RFX2: variants seen among roughly 807,000 people sequenced by gnomAD.
RFX2 encodes the protein regulatory factor X2, also known as DNA-binding protein RFX2.
In RFX2, 20 loss-of-function variants were observed where a neutral mutation model predicts 87.8. That is an observed-to-expected ratio of 0.23 (90% CI 0.16 to 0.33). The LOEUF is 0.33. Among genes scored for constraint, RFX2 ranks in the 10% least tolerant of loss-of-function variants. RFX2 has a pLI of 1.00. For missense variants in RFX2, 767 were observed against 1,012.3 expected, an observed-to-expected ratio of 0.76 and a Z score of 3.29; for synonymous variants, 397 against 431.3, an observed-to-expected ratio of 0.92 and a Z score of 0.98.
intron 1 of RFX2, among the ~76,000 whole-genome samples, chr19:6,077,525 A>G (rs1314564350): frequency 6.6e-6 from 1 of 152,218 alleles, no homozygotes; most frequent in Non-Finnish European, 1.5e-5. Flanking sequence ...AGAGCTAGCT[A>G]TAAGTGGGGT....
intron 1 of RFX2, among the ~76,000 whole-genome samples, chr19:6,070,617 C>T (rs958669205): frequency 1.3e-5 from 2 of 152,134 alleles, no homozygotes; most frequent in African/African-American, 4.8e-5. Flanking sequence ...GTGACCAATA[C>T]TTGCCCCCAC....
chr19:6,091,327 CA>C, intron 1 of RFX2, among the ~76,000 whole-genome samples: 1 of 151,468 alleles, frequency 6.6e-6, no homozygotes, highest in Non-Finnish European at 1.5e-5. Context: ...CTTGTCTCTA[CA>C]AAAAATTAGC....
At position 6,012,033 on chromosome 19, in the gene RFX2, G is replaced by T. The variant is rs780391552; in HGVS notation, c.899+953C>A. ...CATCATCCTCATGCTGTCTGTGGCT[G>T]CTTTCAGGATGTAGCCAAATTGAAC... On this transcript the variant is annotated intron_variant, in intron 8 of 17. Transcript: ENST00000303657. The surrounding 1 kb of genome is among the most constrained non-coding windows in gnomAD (Gnocchi z 4.6). The T allele has an allele frequency of 5.9e-5, 9 of 152,274 alleles. No individual in the cohort carries two copies. Among genetic ancestry groups the T allele is most frequent in the Non-Finnish European group, 1.2e-4 (8 of 68,060 alleles). 9.4% of individuals were successfully genotyped at this position (152,274 alleles called of 1,614,324 possible). A position where few individuals can be genotyped will look rare whatever the true frequency, so the allele number is the denominator to read the frequency against.
chr19:6,036,722 G>A (rs1295470411), intron 5 of RFX2, among the ~76,000 whole-genome samples: 2 of 152,074 alleles, frequency 1.3e-5, no homozygotes, highest in African/African-American at 4.8e-5. Context: ...ACTAGAAAAA[G>A]AAGGGAACTT....
At chr19:6,005,984 G>T (rs555018002) in intron 12 of RFX2, among the ~76,000 whole-genome samples, 1 of 152,198 alleles carries the variant, frequency 6.6e-6, no homozygotes, top group African/African-American at 2.4e-5. Context: ...CCCAGAGGCC[G>T]GCCTGCATGC....
intron 1 of RFX2, among the ~76,000 whole-genome samples, chr19:6,088,097 A>G (rs1227464535): frequency 6.6e-6 from 1 of 151,756 alleles, no homozygotes; most frequent in African/African-American, 2.4e-5. Context: ...GGAAGCAATG[A>G]CCCCTGAACA....
At position 6,040,271 on chromosome 19, in the gene RFX2, ACG is replaced by A; in HGVS notation, c.261-32_261-31del. 6.7e-7 allele frequency: 1 copy of A among 1,497,630 alleles called. No homozygotes were observed. Among genetic ancestry groups the A allele is most frequent in the Non-Finnish European group, 8.9e-7 (1 of 1,118,998 alleles). The allele number at this position is 1,497,630 out of a possible 1,614,324, so 92.8% of individuals were successfully genotyped here. A position where few individuals can be genotyped will look rare whatever the true frequency, so the allele number is the denominator to read the frequency against. On this transcript the variant is annotated intron_variant, in intron 4 of 17. Transcript: ENST00000303657. The surrounding 1 kb of genome is among the most constrained non-coding windows in gnomAD (Gnocchi z 6.1). Reference sequence around the variant, plus strand: ...TAGAAAGAGAGAAGTCACGCATGGGACGCTGTCCCATTTAAATGCCTTGTCTG... The same window carrying A: ...TAGAAAGAGAGAAGTCACGCATGGGACTGTCCCATTTAAATGCCTTGTCTG...
chr19:6,066,092 G>T (rs2087506253), intron 1 of RFX2, among the ~76,000 whole-genome samples: 1 of 152,104 alleles, frequency 6.6e-6, no homozygotes, highest in Non-Finnish European at 1.5e-5. Flanking sequence ...GTCAACAATC[G>T]CTATCTCTGG....
In RFX2 at chr19:5,997,098, C is replaced by G; in HGVS notation, c.1975G>C (p.Glu659Gln). 2.5e-6 allele frequency: 4 copies of G among 1,613,258 alleles called. No individual in the cohort carries two copies. Among genetic ancestry groups the G allele is most frequent in the Non-Finnish European group, 3.4e-6 (4 of 1,179,976 alleles). The change falls in exon 16 of 18, where the codon GAG becomes CAG. Residue 659 changes from glutamate (E) to glutamine (Q), a missense_variant. Coordinates refer to ENST00000303657, the MANE Select transcript of RFX2 (RefSeq NM_000635.4). The surrounding 1 kb of genome is among the most constrained non-coding windows in gnomAD (Gnocchi z 4.2). Reference protein sequence around the residue: ...MFYLVEHRVAEATGETPIAVM... With the variant: ...MFYLVEHRVAQATGETPIAVM... ...GCGATCGGCGTCTCTCCGGTGGCCTCCGCGACGCGGTGCTCCACCAGGTAG... is the reference window on the plus strand; with the variant it reads ...GCGATCGGCGTCTCTCCGGTGGCCTGCGCGACGCGGTGCTCCACCAGGTAG...
chr19:6,100,862 G>T (rs2088113692), intron 1 of RFX2, among the ~76,000 whole-genome samples: 1 of 140,240 alleles, frequency 7.1e-6, no homozygotes, highest in Admixed American at 6.8e-5. Flanking sequence ...GAATTATATT[G>T]ATTTAATTGA....
Position 6,007,940 on chromosome 19 carries a change from A to C in RFX2, c.1135-138T>G, listed in dbSNP as rs1471043474. On this transcript the variant is annotated intron_variant, in intron 10 of 17. Transcript: ENST00000303657. This position sits in a 1 kb window ranked among gnomAD's most constrained non-coding sequence, Gnocchi z 8.2. ...CAAGGGAGGCCACAGAGAGGAGAGG[A>C]GCAGGCGATGGACATGGATGCGGAG... 8.9e-6 allele frequency: 7 copies of C among 786,768 alleles called. No homozygotes were observed. In the East Asian group the frequency reaches 1.9e-4, roughly 21 times the overall value. The allele number at this position is 786,768 out of a possible 1,614,324, so 48.7% of individuals were successfully genotyped here. A position where few individuals can be genotyped will look rare whatever the true frequency, so the allele number is the denominator to read the frequency against.
chr19:6,065,457 T>C (rs576191029), intron 1 of RFX2, among the ~76,000 whole-genome samples: 1 of 152,204 alleles, frequency 6.6e-6, no homozygotes, highest in African/African-American at 2.4e-5. Flanking sequence ...CCATCCTGGC[T>C]AACACGGTGA....
chr19:6,107,611 T>G (rs1353369211), intron 1 of RFX2, among the ~76,000 whole-genome samples: 1 of 75,684 alleles, frequency 1.3e-5, no homozygotes, highest in Admixed American at 1.4e-4. Flanking sequence ...AGTGAGACCC[T>G]GTCTCAAAAA....
chr19:6,026,198 T>C lies in RFX2; in HGVS notation c.562A>G (p.Ile188Val), dbSNP rs199570398. Reference sequence around the variant, plus strand: ...AGTAAACCGCTTTTGTGTGATGTGATTCCTTCGCTTTTTTGGAGGTTTTCA... The same window carrying C: ...AGTAAACCGCTTTTGTGTGATGTGACTCCTTCGCTTTTTTGGAGGTTTTCA... ...AIENLQKSEGITSHKSGLLNS... is the reference protein window; with the variant it reads ...AIENLQKSEGVTSHKSGLLNS... The change falls in exon 6 of 18, where the codon ATC (isoleucine) becomes GTC (valine). Residue 188 changes from isoleucine to valine, a missense_variant. Transcript: ENST00000303657. The surrounding 1 kb of genome is among the most constrained non-coding windows in gnomAD (Gnocchi z 4.5). 75 of 1,614,038 alleles carry C rather than the reference T, an allele frequency of 4.6e-5. No individual in the cohort carries two copies. Among genetic ancestry groups the C allele is most frequent in the East Asian group, 4.5e-4 (20 of 44,858 alleles).
At chr19:6,019,664 G>A (rs2086782872) in intron 6 of RFX2, among the ~76,000 whole-genome samples, 1 of 150,950 alleles carries the variant, frequency 6.6e-6, no homozygotes, top group Admixed American at 6.6e-5. Flanking sequence ...GTGCAATCAT[G>A]GCTCATGCAG....
At chr19:6,102,572 G>A (rs1230597130) in intron 1 of RFX2, among the ~76,000 whole-genome samples, 1 of 152,212 alleles carries the variant, frequency 6.6e-6, no homozygotes, top group Non-Finnish European at 1.5e-5. Flanking sequence ...GGCCCTGCAG[G>A]TTGCCCCTGC....
Position 6,047,328 on chromosome 19 carries a change from A to C in RFX2, c.90+79T>G. The C allele has an allele frequency of 9.0e-7, 1 of 1,108,692 alleles. No individual in the cohort carries two copies. The highest frequency in any genetic ancestry group is 1.6e-5 in the African/African-American group (1 of 62,444). The allele number at this position is 1,108,692 out of a possible 1,614,324, so 68.7% of individuals were successfully genotyped here. A position where few individuals can be genotyped will look rare whatever the true frequency, so the allele number is the denominator to read the frequency against. On this transcript the variant is annotated intron_variant, in intron 2 of 17. Transcript: ENST00000303657. The surrounding 1 kb of genome is among the most constrained non-coding windows in gnomAD (Gnocchi z 4.2). ...GAAAAATACAGATTCCTCTCTTTGCAGATCTGAGCAGCTTTCAAACCCATA... is the reference window on the plus strand; with the variant it reads ...GAAAAATACAGATTCCTCTCTTTGCCGATCTGAGCAGCTTTCAAACCCATA...
At chr19:6,065,398 G>C (rs1229745333) in intron 1 of RFX2, among the ~76,000 whole-genome samples, 1 of 152,174 alleles carries the variant, frequency 6.6e-6, no homozygotes, top group Admixed American at 6.5e-5. Flanking sequence ...TGTAATCCCA[G>C]CACTTTGGGA....
chr19:6,069,501 C>G (rs865855724), intron 1 of RFX2, among the ~76,000 whole-genome samples: 17 of 152,140 alleles, frequency 1.1e-4, no homozygotes, highest in African/African-American at 4.1e-4. Context: ...CTAGTTAAAA[C>G]CATAAGACTA....
Sources: gnomAD v4.1 joint callset for allele counts (sites outside exome capture counted in the v4.1 genomes callset) on GRCh38, gnomAD v4.1.1 for gene constraint, Gnocchi (gnomAD v3.1) non-coding constraint, MANE v1.5 for transcripts, NCBI Gene and HGNC (gene_info 2026-07-23, HGNC 2026-07-21) for gene names.